The following NBR1 variants were observed in gnomAD, a reference collection of about 807,000 sequenced individuals.
The protein encoded by NBR1 is NBR1 autophagy cargo receptor.
Under a neutral mutation model 115.5 loss-of-function variants are expected in NBR1, and 59 were observed. That is an observed-to-expected ratio of 0.51 (90% CI 0.41 to 0.63). NBR1 has a LOEUF of 0.63. Among genes scored for constraint, NBR1 ranks in the 30% least tolerant of loss-of-function variants. NBR1 has a pLI of 0.00. For synonymous variants in NBR1, 373 were observed against 414.7 expected (o/e 0.90, Z 1.22); for missense variants, 1,043 against 1,150.5 (o/e 0.91, Z 1.35).
At position 43,195,651 on chromosome 17, in the gene NBR1, C is replaced by CA. The variant is rs34787155; in HGVS notation, c.1750+632dup. On this transcript the variant is annotated intron_variant, in intron 14 of 20. Coordinates refer to ENST00000590996, the MANE Select transcript of NBR1 (RefSeq NM_005899.5). ...GGACAACAAGAGCAAAACTCCGTCT[C>CA]AAAAAAAAAAAAAAAAAAAATTAGC... is the stretch of plus-strand genomic sequence containing the variant. 427 of 115,742 alleles carry CA rather than the reference C, an allele frequency of 3.7e-3. 7 individuals carry two copies. Among genetic ancestry groups the CA allele is most frequent in the African/African-American group, 0.014 (401 of 29,002 alleles). 7.2% of individuals were successfully genotyped at this position (115,742 alleles called of 1,614,324 possible).
intron 12 of NBR1, 62 bp downstream of exon 12, chr17:43,193,700 A>G: frequency 6.6e-7 from 1 of 1,506,236 alleles, no homozygotes; most frequent in Non-Finnish European, 8.9e-7. Flanking sequence ...GGAGATGGCT[A>G]AAACTAAAAG....
intron 16 of NBR1, 98 bp downstream of exon 16, chr17:43,197,204 AG>A (rs1209125432): frequency 4.4e-6 from 5 of 1,148,066 alleles, no homozygotes; most frequent in Non-Finnish European, 6.3e-6. Flanking sequence ...CTGAGACTGA[AG>A]GGAGAGTGAT....
At chr17:43,198,983 T>G (rs995051453) in intron 16 of NBR1, among the ~76,000 whole-genome samples, 1 of 152,124 alleles carries the variant, frequency 6.6e-6, no homozygotes, top group Admixed American at 6.6e-5. Context: ...GTCATGTATA[T>G]CTTTATATTT....
chr17:43,189,019 T>C, intron 6 of NBR1, 23 bp from the exon 7 acceptor site: 2 of 1,549,578 alleles, frequency 1.3e-6, no homozygotes, highest in East Asian at 4.5e-5. Context: ...ACCTCTAACA[T>C]CTCGGCTTGT....
chr17:43,197,041 T>C lies in NBR1; in HGVS notation c.1961T>C (p.Ile654Thr), dbSNP rs751250212. The change falls in exon 16 of 21, where the codon ATC becomes ACC. Residue 654 changes from isoleucine (I) to threonine (T), a missense_variant. Physicochemically the swap from Ile to Thr is moderately conservative, Grantham distance 89 (BLOSUM62 -1). Coordinates refer to ENST00000590996, the MANE Select transcript of NBR1 (RefSeq NM_005899.5). ...SGTQFVCETV[I>T]RSLTLDAAPD... ...ACCCAGTTTGTGTGTGAGACAGTAA[T>C]CCGATCCCTTACCTTGGATGCTGCC... 1 of 1,613,996 alleles carries C rather than the reference T, an allele frequency of 6.2e-7. No individual in the cohort carries two copies. Among genetic ancestry groups the C allele is most frequent in the Non-Finnish European group, 8.5e-7 (1 of 1,179,880 alleles).
intron 12 of NBR1, 85 bp from the exon 13 acceptor site, chr17:43,194,265 C>T (rs747249574): frequency 1.9e-5 from 23 of 1,215,188 alleles, no homozygotes; most frequent in Middle Eastern, 2.0e-4. Context: ...GGTACAGCAG[C>T]GTTTTTATTT....
intron 1 of NBR1, among the ~76,000 whole-genome samples, chr17:43,173,095 G>A (rs1238481473): frequency 1.3e-5 from 2 of 151,986 alleles, no homozygotes; most frequent in African/African-American, 4.8e-5. Context: ...CAAAGTGCTG[G>A]GATTACAGGC....
At position 43,210,531 on chromosome 17, in the gene NBR1, C is replaced by G. The variant is rs913265594; in HGVS notation, c.*457C>G. The G allele has an allele frequency of 1.8e-5, 7 of 398,196 alleles. No homozygotes were observed. Among genetic ancestry groups the G allele is most frequent in the Non-Finnish European group, 3.1e-5 (7 of 226,052 alleles). 24.7% of individuals were successfully genotyped at this position (398,196 alleles called of 1,614,324 possible). A position where few individuals can be genotyped will look rare whatever the true frequency, so the allele number is the denominator to read the frequency against. Reference sequence around the variant, plus strand: ...TTCTCATAATTTCTGTAATCCACCTCAAGCTTCATAGTTATTTGGCATTGA... The same window carrying G: ...TTCTCATAATTTCTGTAATCCACCTGAAGCTTCATAGTTATTTGGCATTGA... On this transcript the variant is annotated 3_prime_UTR_variant, in exon 21 of 21. Coordinates refer to ENST00000590996, the MANE Select transcript of NBR1 (RefSeq NM_005899.5).
intron 2 of NBR1, chr17:43,176,164 C>T: frequency 2.9e-6 from 1 of 350,416 alleles, no homozygotes; most frequent in Non-Finnish European, 5.2e-6. Flanking sequence ...ATTTAGAAAA[C>T]CTATTAATTT....
chr17:43,193,559 C>A lies in NBR1; in HGVS notation c.1445C>A (p.Pro482His). Reference protein sequence around the residue: ...VWCSIIVDPFPSEESPDNIEK... With the variant: ...VWCSIIVDPFHSEESPDNIEK... Reference sequence around the variant, plus strand: ...TGCAGTATCATAGTAGATCCTTTCCCCTCCGAAGAGAGCCCTGATAACATT... The same window carrying A: ...TGCAGTATCATAGTAGATCCTTTCCACTCCGAAGAGAGCCCTGATAACATT... Residue 482 changes from proline to histidine, a missense_variant, in exon 12 of 21, where the codon CCC (proline) becomes CAC (histidine). Physicochemically the swap from Pro to His is moderately conservative, Grantham distance 77. Transcript: ENST00000590996. 1 of 1,612,816 alleles carries A rather than the reference C, an allele frequency of 6.2e-7. No individual in the cohort carries two copies. The highest frequency in any genetic ancestry group is 1.3e-5 in the African/African-American group (1 of 74,998).
intron 20 of NBR1, 139 bp downstream of exon 20, chr17:43,203,925 C>A: frequency 2.3e-6 from 1 of 429,088 alleles, no homozygotes; most frequent in Non-Finnish European, 4.1e-6. Context: ...TAACACACAA[C>A]ACAACTCTGC....
In NBR1 at chr17:43,200,245, TGGAGGAGGAGGAGGATGAGGAGGATGA is replaced by T; in HGVS notation, c.2118_2144del (p.Glu706_Glu714del). ...CATATCGCTGAGGAAGAAGCTGTCATGGAGGAGGAGGAGGATGAGGAGGATGAGGAGGAGGAGGATGAGCTCAAAGAT... is the reference window on the plus strand; with the variant it reads ...CATATCGCTGAGGAAGAAGCTGTCATGGAGGAGGAGGATGAGCTCAAAGAT... On this transcript the variant is annotated inframe_deletion, in exon 17 of 21. Transcript: ENST00000590996. 4 of 1,551,376 alleles carry T rather than the reference TGGAGGAGGAGGAGGATGAGGAGGATGA, an allele frequency of 2.6e-6. No homozygotes were observed. Among genetic ancestry groups the T allele is most frequent in the Middle Eastern group, 1.7e-4 (1 of 6,016 alleles).
intron 8 of NBR1, chr17:43,190,148 G>T (rs1318721924): frequency 3.2e-6 from 1 of 313,560 alleles, no homozygotes; most frequent in Non-Finnish European, 6.0e-6. Flanking sequence ...GGAGTGCAGG[G>T]TGCAATCATG....
chr17:43,178,803 C>G (rs12944430), intron 3 of NBR1, among the ~76,000 whole-genome samples: 44,890 of 146,148 alleles, frequency 0.31, 7,331 homozygotes, highest in South Asian at 0.5. Flanking sequence ...GGGTCTCACT[C>G]TGTTGCCCAG....
intron 9 of NBR1, 57 bp downstream of exon 9, chr17:43,190,833 CAG>C (rs2056928794): frequency 2.7e-6 from 4 of 1,508,048 alleles, no homozygotes; most frequent in Non-Finnish European, 3.6e-6. Context: ...GTTCTGGTGA[CAG>C]GGTATGAATC....
At chr17:43,196,427 TTGA>T in intron 14 of NBR1, 51 bp from the exon 15 acceptor site, 2 of 1,101,652 alleles carry the variant, frequency 1.8e-6, no homozygotes, top group African/African-American at 3.2e-5. Flanking sequence ...ACACTGACTG[TTGA>T]TGATATGATG....
chr17:43,184,380 T>TTTTTTTTTTTTTTTTTTTG (rs2056750968), intron 5 of NBR1, among the ~76,000 whole-genome samples: 1 of 142,578 alleles, frequency 7.0e-6, no homozygotes, highest in Non-Finnish European at 1.5e-5. Context: ...TTCTTTTTTT[T>TTTTTTTTTTTTTTTTTTTG]TTTGAGACAG....
At chr17:43,187,136 A>G (rs2056822378) in intron 6 of NBR1, among the ~76,000 whole-genome samples, 1 of 152,136 alleles carries the variant, frequency 6.6e-6, no homozygotes, top group African/African-American at 2.4e-5. Flanking sequence ...ACTCCCACCA[A>G]CAGTGTAAAA....
intron 5 of NBR1, among the ~76,000 whole-genome samples, chr17:43,184,752 C>G (rs2056759927): frequency 6.6e-6 from 1 of 151,962 alleles, no homozygotes; most frequent in Non-Finnish European, 1.5e-5. Context: ...CTAGAATTAA[C>G]CTTTTTGGAA....
Sources: gnomAD v4.1 joint callset for allele counts (sites outside exome capture counted in the v4.1 genomes callset) on GRCh38, gnomAD v4.1.1 for gene constraint, MANE v1.5 for transcripts, NCBI Gene and HGNC (gene_info 2026-07-23, HGNC 2026-07-21) for gene names.